ADGRL2: variants seen among roughly 807,000 people sequenced by gnomAD.
ADGRL2 encodes the protein calcium-independent alpha-latrotoxin receptor 2.
A neutral mutation model predicts 157.4 loss-of-function variants in ADGRL2; 44 were observed. That is an observed-to-expected ratio of 0.28 (90% confidence interval 0.22 to 0.36). The LOEUF is 0.36. Ranked by LOEUF, ADGRL2 falls within the 10% of genes least tolerant of loss-of-function variation. The probability of loss-of-function intolerance (pLI) is 1.00; values close to 1 mark genes in which losing one functional copy is unlikely to be tolerated. For synonymous variants in ADGRL2, 585 were observed against 624.7 expected (o/e 0.94, Z 0.95); for missense variants, 1,510 against 1,768.9 (o/e 0.85, Z 2.63).
intron 3 of ADGRL2, among the ~76,000 whole-genome samples, chr1:81,633,109 T>G (rs1437644691): frequency 2.6e-5 from 4 of 152,194 alleles, no homozygotes; most frequent in African/African-American, 9.7e-5. Context: ...GTTCTTCAAC[T>G]CTTTAGTCCC....
At chr1:81,828,521 A>G (rs2150037120) in intron 1 of ADGRL2, among the ~76,000 whole-genome samples, 1 of 152,286 alleles carries the variant, frequency 6.6e-6, no homozygotes, top group African/African-American at 2.4e-5. Context: ...AAAATGTTGC[A>G]AAAATACATT....
Position 81,952,010 on chromosome 1 carries a change from C to T in ADGRL2, c.1662C>T (p.Thr554=). The part of the protein sequence containing the change: ...ASLANELAKH[T]KGPVFAGDVS... ...TTGCCAATGAACTGGCTAAACATAC[C>T]AAAGGGCCAGTGTTTGCTGGGGATG... The change falls in exon 9 of 24, where the codon ACC becomes ACT. Residue 554 remains threonine (T), a synonymous_variant. Transcript: ENST00000686636. The T allele has an allele frequency of 6.2e-7, 1 of 1,613,352 alleles. No homozygotes were observed. The highest frequency in any genetic ancestry group is 8.5e-7 in the Non-Finnish European group (1 of 1,179,516).
Position 81,971,884 on chromosome 1 carries a change from G to A in ADGRL2, c.2987G>A (p.Trp996Ter). The change falls in exon 17 of 24, where the codon TGG becomes TAG. Residue 996 changes from tryptophan to a stop codon, truncating the protein, a stop_gained. Transcript: ENST00000686636. LOFTEE classifies it high-confidence loss of function. ...CTTCATGTTGATAACTACTTTATAT[G>A]GAGCTTCATTGGACCTGTTACCTTC... is the stretch of plus-strand genomic sequence containing the variant. ...CWLHVDNYFI[W>*]SFIGPVTFII... 6.2e-7 allele frequency: 1 copy of A among 1,611,472 alleles called. No individual in the cohort carries two copies. Among genetic ancestry groups the A allele is most frequent in the Non-Finnish European group, 8.5e-7 (1 of 1,178,470 alleles).
chr1:81,838,920 G>A (rs575779505), intron 2 of ADGRL2, among the ~76,000 whole-genome samples: 5 of 151,898 alleles, frequency 3.3e-5, no homozygotes, highest in South Asian at 4.2e-4. Context: ...AACCTGGGAC[G>A]AACCCATACT....
intron 1 of ADGRL2, among the ~76,000 whole-genome samples, chr1:81,365,623 A>T (rs1445671889): frequency 6.6e-6 from 1 of 152,210 alleles, no homozygotes; most frequent in Non-Finnish European, 1.5e-5. Flanking sequence ...GCACTGATTT[A>T]CCTAATAATA....
At chr1:81,624,673 A>G (rs534695235) in intron 3 of ADGRL2, among the ~76,000 whole-genome samples, 30 of 152,354 alleles carry the variant, frequency 2.0e-4, no homozygotes, top group African/African-American at 6.7e-4. Context: ...GAAACTTTAC[A>G]ATAAAAACTG....
At chr1:81,801,432 G>C (rs1216225507) in intron 1 of ADGRL2, among the ~76,000 whole-genome samples, 3 of 152,102 alleles carry the variant, frequency 2.0e-5, no homozygotes, top group African/African-American at 4.8e-5. Flanking sequence ...TCTCCCTCTC[G>C]CTCCCTCTCA....
chr1:81,859,861 A>G (rs909861725), intron 2 of ADGRL2, among the ~76,000 whole-genome samples: 2 of 152,188 alleles, frequency 1.3e-5, no homozygotes, highest in African/African-American at 4.8e-5. Flanking sequence ...AAAGAACATT[A>G]AAAATTATTA....
chr1:81,554,571 ACC>A (rs549435404), intron 2 of ADGRL2, among the ~76,000 whole-genome samples: 2,873 of 152,086 alleles, frequency 0.019, 94 homozygotes, highest in African/African-American at 0.065. Flanking sequence ...TTCACTAAGC[ACC>A]AAATAGAATA....
chr1:81,763,872 G>A (rs952746190), intron 2 of ADGRL2, among the ~76,000 whole-genome samples: 32 of 151,810 alleles, frequency 2.1e-4, no homozygotes, highest in African/African-American at 6.8e-4. Flanking sequence ...TGGGCGTGGT[G>A]GTGCACGCCT....
chr1:81,477,165 T>C (rs866615409), intron 2 of ADGRL2, among the ~76,000 whole-genome samples: 5 of 152,308 alleles, frequency 3.3e-5, no homozygotes, highest in Middle Eastern at 6.8e-3. Flanking sequence ...ATGTGTCATA[T>C]CACATAATAG....
intron 1 of ADGRL2, among the ~76,000 whole-genome samples, chr1:81,802,470 C>A (rs10782769): frequency 0.58 from 88,041 of 151,368 alleles, 25,775 homozygotes; most frequent in East Asian, 0.69. Flanking sequence ...CAGCCGGCTT[C>A]TCCTTTTCTC....
chr1:81,764,182 ACT>A (rs1440780895), intron 2 of ADGRL2, among the ~76,000 whole-genome samples: 2 of 111,488 alleles, frequency 1.8e-5, no homozygotes, highest in African/African-American at 6.9e-5. Context: ...ACAGAGCGAG[ACT>A]CTGTCAAAAA....
intron 3 of ADGRL2, among the ~76,000 whole-genome samples, chr1:81,659,052 A>ATT (rs55832240): frequency 0.093 from 5,641 of 60,624 alleles, 777 homozygotes; most frequent in Non-Finnish European, 0.12. Flanking sequence ...ACACCCAGCA[A>ATT]TTTTTTTTTT....
At chr1:81,875,392 C>T (rs1477963946) in intron 2 of ADGRL2, among the ~76,000 whole-genome samples, 1 of 151,988 alleles carries the variant, frequency 6.6e-6, no homozygotes, top group African/African-American at 2.4e-5. Context: ...TGTCATTTAA[C>T]AAAATACAGA....
intron 1 of ADGRL2, among the ~76,000 whole-genome samples, chr1:81,719,685 C>T (rs1261094452): frequency 2.0e-5 from 3 of 152,040 alleles, no homozygotes; most frequent in African/African-American, 7.3e-5. Context: ...TGAGTTTATC[C>T]AAACTGAATG....
intron 3 of ADGRL2, among the ~76,000 whole-genome samples, chr1:81,932,212 C>T (rs979737477): frequency 6.6e-5 from 10 of 151,958 alleles, no homozygotes; most frequent in Admixed American, 5.2e-4. Context: ...TTTAGTGTTT[C>T]GTTAGCACAT....
At chr1:81,367,878 T>G (rs898407553) in intron 1 of ADGRL2, among the ~76,000 whole-genome samples, 1 of 152,174 alleles carries the variant, frequency 6.6e-6, no homozygotes, top group Non-Finnish European at 1.5e-5. Context: ...TATGGCTGCA[T>G]AGTATTCCAT....
chr1:81,604,857 CT>C (rs1293862571), intron 3 of ADGRL2, among the ~76,000 whole-genome samples: 1 of 152,158 alleles, frequency 6.6e-6, no homozygotes, highest in Non-Finnish European at 1.5e-5. Flanking sequence ...AAAAGTACCC[CT>C]GTTCTAAACC....
Sources: gnomAD v4.1 joint callset for allele counts (sites outside exome capture counted in the v4.1 genomes callset) on GRCh38, gnomAD v4.1.1 for gene constraint, MANE v1.5 for transcripts, NCBI Gene and HGNC (gene_info 2026-07-23, HGNC 2026-07-21) for gene names.